Variants in PRKCA observed in about 807,000 individuals in gnomAD.
The protein encoded by PRKCA is protein kinase C alpha type.
In PRKCA, 27 loss-of-function variants were observed where a neutral mutation model predicts 87.0. The observed-to-expected ratio is 0.31, with a 90% CI of 0.23 to 0.43. The LOEUF is 0.43. PRKCA is among the 20% of genes least tolerant of loss of function. The probability of loss-of-function intolerance (pLI) is 1.00; values close to 1 mark genes in which losing one functional copy is unlikely to be tolerated. For synonymous variants in PRKCA, 329 were observed against 311.1 expected, an observed-to-expected ratio of 1.06 and a Z score of -0.61; for missense variants, 518 against 852.3, an observed-to-expected ratio of 0.61 and a Z score of 4.88.
chr17:66,684,486 C>T (rs1470521031), intron 5 of PRKCA, among the ~76,000 whole-genome samples: 2 of 152,194 alleles, frequency 1.3e-5, no homozygotes, highest in Admixed American at 6.5e-5. Flanking sequence ...GTCACACTCA[C>T]ACAGGCTGTT....
At chr17:66,746,113 G>T (rs1159703428) in intron 13 of PRKCA, among the ~76,000 whole-genome samples, 1 of 149,758 alleles carries the variant, frequency 6.7e-6, no homozygotes, top group Non-Finnish European at 1.5e-5. Flanking sequence ...CACTGCTTTG[G>T]AAAATCACCT....
chr17:66,538,199 T>C (rs1039994152), intron 3 of PRKCA, among the ~76,000 whole-genome samples: 5 of 152,208 alleles, frequency 3.3e-5, no homozygotes, highest in African/African-American at 1.2e-4. Flanking sequence ...GGGTAAAGAA[T>C]GTGGCTTTGA....
intron 3 of PRKCA, among the ~76,000 whole-genome samples, chr17:66,602,486 T>C (rs1970073986): frequency 6.6e-6 from 1 of 151,784 alleles, no homozygotes; most frequent in Non-Finnish European, 1.5e-5. Flanking sequence ...CCTAGTGAGA[T>C]GAACCCGGTA....
At chr17:66,713,446 A>G (rs1973390232) in intron 8 of PRKCA, among the ~76,000 whole-genome samples, 1 of 152,014 alleles carries the variant, frequency 6.6e-6, no homozygotes, top group Non-Finnish European at 1.5e-5. Context: ...TGCTCCCCGT[A>G]CCCCACCCTA....
At chr17:66,551,278 T>G (rs1968318850) in intron 3 of PRKCA, among the ~76,000 whole-genome samples, 3 of 152,232 alleles carry the variant, frequency 2.0e-5, no homozygotes, top group Admixed American at 6.5e-5. Context: ...TTGCCTTGGC[T>G]TCATAGCATC....
chr17:66,790,969 C>T (rs1975519507), intron 16 of PRKCA, among the ~76,000 whole-genome samples: 1 of 149,404 alleles, frequency 6.7e-6, no homozygotes, highest in Non-Finnish European at 1.5e-5. Context: ...ATATTTTATT[C>T]CTGGAGCGCT....
intron 3 of PRKCA, among the ~76,000 whole-genome samples, chr17:66,595,626 A>AT (rs1010707735): frequency 5.3e-5 from 8 of 151,366 alleles, no homozygotes; most frequent in Non-Finnish European, 1.0e-4. Context: ...AGCCCAGCCA[A>AT]TTTTTTTTGT....
chr17:66,624,675 G>T (rs1351937756), intron 3 of PRKCA, among the ~76,000 whole-genome samples: 1 of 151,944 alleles, frequency 6.6e-6, no homozygotes, highest in Non-Finnish European at 1.5e-5. Flanking sequence ...GGTGGCAGGT[G>T]CCTGTAATCC....
intron 8 of PRKCA, among the ~76,000 whole-genome samples, chr17:66,722,733 G>A (rs1264330857): frequency 1.3e-5 from 2 of 152,114 alleles, no homozygotes; most frequent in Non-Finnish European, 2.9e-5. Flanking sequence ...TGCCAAACTT[G>A]AACCAAACGT....
At position 66,742,721 on chromosome 17, in the gene PRKCA, C is replaced by A. The variant is rs757147230; in HGVS notation, c.1485C>A (p.Thr495=). ...CKEHMMDGVT[T]RTFCGTPDYI... is the part of the protein sequence containing the mutation. Reference sequence around the variant, plus strand: ...AACACATGATGGATGGAGTCACGACCAGGACCTTCTGTGGGACTCCAGATT... The same window carrying A: ...AACACATGATGGATGGAGTCACGACAAGGACCTTCTGTGGGACTCCAGATT... Residue 495 remains threonine (T), a synonymous_variant, in exon 13 of 17, where the codon ACC becomes ACA. Transcript: ENST00000413366. The A allele has an allele frequency of 6.2e-7, 1 of 1,614,140 alleles. No homozygotes were observed. Among genetic ancestry groups the A allele is most frequent in the Non-Finnish European group, 8.5e-7 (1 of 1,180,028 alleles).
intron 13 of PRKCA, among the ~76,000 whole-genome samples, chr17:66,764,237 C>A (rs1974749564): frequency 6.6e-6 from 1 of 152,232 alleles, no homozygotes; most frequent in Admixed American, 6.5e-5. Context: ...ATGTTGGTTA[C>A]AGCTACTGTC....
chr17:66,323,457 T>A (rs1905799549), intron 2 of PRKCA, among the ~76,000 whole-genome samples: 1 of 152,250 alleles, frequency 6.6e-6, no homozygotes, highest in African/African-American at 2.4e-5. Flanking sequence ...ATGGTTTATG[T>A]TAAATTTTGC....
chr17:66,695,948 A>G (rs939812990), intron 8 of PRKCA, among the ~76,000 whole-genome samples: 1 of 152,194 alleles, frequency 6.6e-6, no homozygotes, highest in African/African-American at 2.4e-5. Flanking sequence ...GAGCTCTCTA[A>G]AGGGAAATAC....
intron 2 of PRKCA, among the ~76,000 whole-genome samples, chr17:66,315,565 C>T (rs11658550): frequency 0.59 from 89,266 of 150,932 alleles, 26,541 homozygotes; most frequent in South Asian, 0.64. Context: ...CTGCAACCTC[C>T]GTCTCCTGGG....
chr17:66,343,360 C>A (rs550124023), intron 2 of PRKCA, among the ~76,000 whole-genome samples: 1 of 152,138 alleles, frequency 6.6e-6, no homozygotes. Flanking sequence ...CTTGTCTATT[C>A]TGGGGCCATA....
rs1161316861 is a variant in PRKCA at position 66,803,538 on chromosome 17, G to A, written c.1855-335G>A. Among the ~76,000 whole-genome samples the A allele has an allele frequency of 6.6e-6, 1 of 152,214 alleles. No homozygotes were observed. The highest frequency in any genetic ancestry group is 1.5e-5 in the Non-Finnish European group (1 of 68,026). On this transcript the variant is annotated intron_variant, in intron 16 of 16. Coordinates refer to ENST00000413366, the MANE Select transcript of PRKCA (RefSeq NM_002737.3). This position sits in a 1 kb window ranked among gnomAD's most constrained non-coding sequence, Gnocchi z 4.4. ...ACACGGAGCTGTGACTGACGGCCCT[G>A]CGTGCGTGGCTTCCGTGCTCTCAGC...
intron 13 of PRKCA, among the ~76,000 whole-genome samples, chr17:66,769,592 T>A (rs1472236944): frequency 6.6e-6 from 1 of 152,194 alleles, no homozygotes; most frequent in Non-Finnish European, 1.5e-5. Flanking sequence ...GCAAATTTTG[T>A]TGGGGAAAGC....
rs1912579774 is a variant in PRKCA at position 66,423,064 on chromosome 17, T to A, written c.206-73137T>A. ...AGGTGGAGGTTGCAGTGAGCCCAGA[T>A]CACGCCATTGCACTCCAGCCTGGGT... is the stretch of plus-strand genomic sequence containing the variant. On this transcript the variant is annotated intron_variant, in intron 2 of 16. Coordinates refer to ENST00000413366, the MANE Select transcript of PRKCA (RefSeq NM_002737.3). Among the ~76,000 whole-genome samples, 5 of 151,852 alleles carry A rather than the reference T, an allele frequency of 3.3e-5. No homozygotes were observed. The South Asian group carries it at 1.0e-3, about 32-fold the overall frequency.
At chr17:66,801,949 G>C (rs190703570) in intron 16 of PRKCA, among the ~76,000 whole-genome samples, 6 of 152,186 alleles carry the variant, frequency 3.9e-5, no homozygotes, top group Non-Finnish European at 8.8e-5. Flanking sequence ...GGCTGGACGC[G>C]GTGGCTCACA....
Sources: allele counts gnomAD v4.1 joint callset (sites outside exome capture counted in the v4.1 genomes callset), GRCh38; gene constraint gnomAD v4.1.1; non-coding constraint Gnocchi (gnomAD v3.1); transcripts MANE v1.5; gene names NCBI Gene and HGNC (gene_info 2026-07-23, HGNC 2026-07-21).